Variants in CD9 observed in about 807,000 individuals in gnomAD.
CD9 encodes CD9 molecule, also known as CD9 antigen.
A neutral mutation model predicts 31.4 loss-of-function variants in CD9; 10 were observed. The observed-to-expected ratio is 0.32, with a 90% CI of 0.20 to 0.54. The LOEUF is 0.54. Among genes scored for constraint, CD9 ranks in the 20% least tolerant of loss-of-function variants. CD9 has a pLI of 0.94. For synonymous variants in CD9, 113 were observed against 114.1 expected (o/e 0.99, Z 0.06); for missense variants, 259 against 300.1 (o/e 0.86, Z 1.01).
intron 2 of CD9, among the ~76,000 whole-genome samples, chr12:6,230,859 G>C (rs1004648592): frequency 6.6e-6 from 1 of 152,256 alleles, no homozygotes; most frequent in Non-Finnish European, 1.5e-5. Context: ...CATGGGGTTT[G>C]CCAGTAACCC....
At position 6,209,104 on chromosome 12, in the gene CD9, G is replaced by A. The variant is rs189946895; in HGVS notation, c.66+8539G>A. Reference sequence around the variant, plus strand: ...CCGCCTCAGCCTCCTGAGTAGCTGCGACTACAGGCACATGCCACCACGCCC... The same window carrying A: ...CCGCCTCAGCCTCCTGAGTAGCTGCAACTACAGGCACATGCCACCACGCCC... On this transcript the variant is annotated intron_variant, in intron 1 of 7. Transcript: ENST00000009180. Among the ~76,000 whole-genome samples the A allele has an allele frequency of 7.0e-4, 107 of 152,192 alleles. 1 individual carries two copies. Among genetic ancestry groups the A allele is most frequent in the African/African-American group, 2.5e-3 (105 of 41,522 alleles).
chr12:6,204,432 G>C (rs1249837834), intron 1 of CD9, among the ~76,000 whole-genome samples: 15 of 152,176 alleles, frequency 9.9e-5, no homozygotes, highest in Non-Finnish European at 2.9e-5. Flanking sequence ...ATGGGAGATG[G>C]ATACCAAGGC....
chr12:6,200,812 C>T, intron 1 of CD9: 3 of 432,206 alleles, frequency 6.9e-6, no homozygotes, highest in South Asian at 4.5e-5. Context: ...GAGCCGGGCC[C>T]TCTTGAGATG....
chr12:6,203,715 G>C (rs916093181), intron 1 of CD9, among the ~76,000 whole-genome samples: 5 of 152,042 alleles, frequency 3.3e-5, no homozygotes, highest in Non-Finnish European at 7.4e-5. Flanking sequence ...CCAAAAAACA[G>C]TTGAGAGGGA....
intron 1 of CD9, among the ~76,000 whole-genome samples, chr12:6,218,900 C>T (rs1310404400): frequency 1.3e-5 from 2 of 152,160 alleles, no homozygotes; most frequent in Non-Finnish European, 2.9e-5. Flanking sequence ...ACCAGCTTAC[C>T]TGTGTTCGTC....
chr12:6,211,910 C>T lies in CD9; in HGVS notation c.66+11345C>T, dbSNP rs553757067. Among the ~76,000 whole-genome samples, 389 of 152,314 alleles carry T rather than the reference C, an allele frequency of 2.6e-3. 2 individuals carry two copies. The highest frequency in any genetic ancestry group is 9.0e-3 in the African/African-American group (374 of 41,572). Reference sequence around the variant, plus strand: ...CAGCCCCAACATCCTAACGCCAGTACACTTCACTGAAGCTTTTCTCCTCTC... The same window carrying T: ...CAGCCCCAACATCCTAACGCCAGTATACTTCACTGAAGCTTTTCTCCTCTC... On this transcript the variant is annotated intron_variant, in intron 1 of 7. Coordinates refer to ENST00000009180, the MANE Select transcript of CD9 (RefSeq NM_001769.4).
chr12:6,225,277 C>T (rs917895239), intron 1 of CD9, 149 bp from the exon 2 acceptor site: 37 of 622,772 alleles, frequency 5.9e-5, no homozygotes, highest in East Asian at 2.1e-4. Flanking sequence ...AAACACACCC[C>T]GTAATGGCAT....
intron 2 of CD9, 67 bp downstream of exon 2, chr12:6,225,601 G>A: frequency 9.9e-7 from 1 of 1,005,266 alleles, no homozygotes; most frequent in East Asian, 2.4e-5. Flanking sequence ...AACTTTGGAG[G>A]CCCCATGTTG....
rs1304725603 is a variant in CD9, at chr12:6,232,825, A to G, written c.273+96A>G. 1.2e-5 allele frequency: 10 copies of G among 852,092 alleles called. No individual in the cohort carries two copies. Among genetic ancestry groups the G allele is most frequent in the Non-Finnish European group, 1.7e-5 (9 of 523,066 alleles). 52.8% of individuals were successfully genotyped at this position (852,092 alleles called of 1,614,324 possible). On this transcript the variant is annotated intron_variant, in intron 3 of 7. Transcript: ENST00000009180. This position sits in a 1 kb window ranked among gnomAD's most constrained non-coding sequence, Gnocchi z 4.8. ...CAGACCACAGAACAGATGGAGGGGG[A>G]TGGGGTCAGGAAGGTACCCAAAGGG...
Position 6,235,463 on chromosome 12 carries a change from C to T in CD9, c.448-13C>T, listed in dbSNP as rs756016543. 5.0e-6 allele frequency: 8 copies of T among 1,613,836 alleles called. No homozygotes were observed. In the East Asian group the frequency reaches 1.8e-4, roughly 36 times the overall value. On this transcript the variant is annotated splice_polypyrimidine_tract_variant and intron_variant, in intron 5 of 7. Transcript: ENST00000009180. Reference sequence around the variant, plus strand: ...TTGTTTCTCTCATCCCCATCCCTGCCTTCTCGCTGTAGTTGAACTGCTGTG... The same window carrying T: ...TTGTTTCTCTCATCCCCATCCCTGCTTTCTCGCTGTAGTTGAACTGCTGTG...
intron 2 of CD9, among the ~76,000 whole-genome samples, chr12:6,227,869 C>T (rs927951776): frequency 6.6e-6 from 1 of 152,156 alleles, no homozygotes; most frequent in Non-Finnish European, 1.5e-5. Flanking sequence ...ACCCCTGCGT[C>T]GGTGGCCCAG....
rs1053236219 is a variant in CD9, at chr12:6,201,403, G to T, written c.66+838G>T. Among the ~76,000 whole-genome samples, 3 of 152,354 alleles carry T rather than the reference G, an allele frequency of 2.0e-5. No individual in the cohort carries two copies. In the East Asian group the frequency reaches 5.8e-4, roughly 29 times the overall value. ...GGGAGAGATCAGGTGCCAGCCAGCT[G>T]CCCGCCCAGGAGAGCCTTGGCCTTG... On this transcript the variant is annotated intron_variant, in intron 1 of 7. Coordinates refer to ENST00000009180, the MANE Select transcript of CD9 (RefSeq NM_001769.4).
At chr12:6,222,444 C>T (rs911527315) in intron 1 of CD9, among the ~76,000 whole-genome samples, 1 of 152,198 alleles carries the variant, frequency 6.6e-6, no homozygotes, top group Non-Finnish European at 1.5e-5. Flanking sequence ...TCCCATTTCT[C>T]CAGAGCCAGC....
At chr12:6,215,813 G>C (rs1946237488) in intron 1 of CD9, among the ~76,000 whole-genome samples, 1 of 152,248 alleles carries the variant, frequency 6.6e-6, no homozygotes, top group Non-Finnish European at 1.5e-5. Flanking sequence ...TCCGCCATGA[G>C]CTATTACAGT....
At position 6,232,501 on chromosome 12, in the gene CD9, C is replaced by A. The variant is rs1946458864; in HGVS notation, c.176-131C>A. On this transcript the variant is annotated intron_variant, in intron 2 of 7. Coordinates refer to ENST00000009180, the MANE Select transcript of CD9 (RefSeq NM_001769.4). The surrounding 1 kb of genome is among the most constrained non-coding windows in gnomAD (Gnocchi z 4.8). ...GCTGTATTTTAAGGAAAGGGAACTT[C>A]TTCCCTGAGATGAGGGGAATAAGGA... is the stretch of plus-strand genomic sequence containing the variant. 1.4e-6 allele frequency: 1 copy of A among 691,890 alleles called. No individual in the cohort carries two copies. Among genetic ancestry groups the A allele is most frequent in the Non-Finnish European group, 2.6e-6 (1 of 384,602 alleles). 42.9% of individuals were successfully genotyped at this position (691,890 alleles called of 1,614,324 possible). A position where few individuals can be genotyped will look rare whatever the true frequency, so the allele number is the denominator to read the frequency against.
chr12:6,227,054 G>A (rs970477063), intron 2 of CD9, among the ~76,000 whole-genome samples: 1 of 152,140 alleles, frequency 6.6e-6, no homozygotes, highest in Admixed American at 6.5e-5. Flanking sequence ...CCCTTGTCCT[G>A]GCTGCTTCTA....
chr12:6,215,232 C>T (rs149451354), intron 1 of CD9, among the ~76,000 whole-genome samples: 1 of 152,332 alleles, frequency 6.6e-6, no homozygotes, highest in Non-Finnish European at 1.5e-5. Flanking sequence ...AGAGGAAGCT[C>T]ACACCTCCCA....
Position 6,237,795 on chromosome 12 carries a change from C to T in CD9, c.654C>T (p.Cys218=). The part of the protein sequence containing the change: ...IFGMIFSMIL[C]CAIRRNREMV ...GCATGATCTTCAGTATGATCTTGTG[C>T]TGTGCTATCCGCAGGAACCGCGAGA... Residue 218 remains cysteine (C), a synonymous_variant, in exon 8 of 8, where the codon TGC becomes TGT. Transcript: ENST00000009180. 3 of 1,613,436 alleles carry T rather than the reference C, an allele frequency of 1.9e-6. No individual in the cohort carries two copies. Among genetic ancestry groups the T allele is most frequent in the Non-Finnish European group, 1.7e-6 (2 of 1,179,412 alleles).
In CD9 at chr12:6,200,475, G is replaced by C. The variant is rs1946062408; in HGVS notation, c.-25G>C. ...GCGCCCCCCAGTCCCGCACCCGTTC[G>C]GCCCAGGCTAAGTTAGCCCTCACCA... On this transcript the variant is annotated 5_prime_UTR_variant, in exon 1 of 8. Coordinates refer to ENST00000009180, the MANE Select transcript of CD9 (RefSeq NM_001769.4). The C allele has an allele frequency of 1.3e-6, 2 of 1,581,826 alleles. No individual in the cohort carries two copies. Among genetic ancestry groups the C allele is most frequent in the Admixed American group, 3.4e-5 (2 of 59,668 alleles).
Sources: allele counts gnomAD v4.1 joint callset (sites outside exome capture counted in the v4.1 genomes callset), GRCh38; gene constraint gnomAD v4.1.1; non-coding constraint Gnocchi (gnomAD v3.1); transcripts MANE v1.5; gene names NCBI Gene and HGNC (gene_info 2026-07-23, HGNC 2026-07-21).